EYA1: variants seen among roughly 807,000 people sequenced by gnomAD.
EYA1 encodes the protein protein phosphatase EYA1.
EYA1 carries 16 observed loss-of-function variants against 82.0 expected under a neutral mutation model. The ratio of observed to expected loss-of-function variants is 0.20; its 90% confidence interval spans 0.13 to 0.30. EYA1 has a LOEUF of 0.30. Ranked by LOEUF, EYA1 falls within the 10% of genes least tolerant of loss-of-function variation. The pLI is 1.00. For missense variants in EYA1, 633 were observed against 730.7 expected, an observed-to-expected ratio of 0.87 and a Z score of 1.54; for synonymous variants, 261 against 264.4, an observed-to-expected ratio of 0.99 and a Z score of 0.12.
At chr8:71,214,195 T>C (rs897004606) in intron 16 of EYA1, among the ~76,000 whole-genome samples, 4 of 152,090 alleles carry the variant, frequency 2.6e-5, no homozygotes, top group African/African-American at 9.7e-5. Flanking sequence ...CTCATACCCC[T>C]TCCCCTGGAC....
intron 2 of EYA1, among the ~76,000 whole-genome samples, chr8:71,474,549 C>A (rs1049819163): frequency 2.6e-5 from 4 of 152,160 alleles, no homozygotes; most frequent in African/African-American, 9.7e-5. Context: ...CTCAACCCTA[C>A]AAATTGCTTT....
At position 71,299,627 on chromosome 8, in the gene EYA1, T is replaced by G. The variant is rs1428999782; in HGVS notation, c.639+11A>C. The G allele has an allele frequency of 6.7e-7, 1 of 1,490,646 alleles. No homozygotes were observed. Among genetic ancestry groups the G allele is most frequent in the Admixed American group, 1.7e-5 (1 of 59,856 alleles). 92.3% of individuals were successfully genotyped at this position (1,490,646 alleles called of 1,614,324 possible). Reference sequence around the variant, plus strand: ...ATATTTTTCAGAAGTTAAACTGGCTTTTTAAATTACCTGCTGTGAACTATT... The same window carrying G: ...ATATTTTTCAGAAGTTAAACTGGCTGTTTAAATTACCTGCTGTGAACTATT... On this transcript the variant is annotated intron_variant, in intron 8 of 17. Transcript: ENST00000340726.
intron 9 of EYA1, among the ~76,000 whole-genome samples, chr8:71,294,230 C>A (rs184813015): frequency 6.6e-6 from 1 of 152,076 alleles, no homozygotes; most frequent in Non-Finnish European, 1.5e-5. Context: ...GAGGCCGAGG[C>A]GGGTGGATCA....
At chr8:71,449,623 G>A (rs183702304) in intron 2 of EYA1, among the ~76,000 whole-genome samples, 11 of 152,296 alleles carry the variant, frequency 7.2e-5, no homozygotes, top group Admixed American at 2.0e-4. Context: ...TGAGAGCCCT[G>A]AGATTTTCAG....
chr8:71,332,130 C>T lies in EYA1; in HGVS notation c.202+1967G>A, dbSNP rs1019228196. 3.9e-5 allele frequency among the ~76,000 whole-genome samples: 6 copies of T among 152,230 alleles called. No individual in the cohort carries two copies. In the East Asian group the frequency reaches 7.7e-4, roughly 20 times the overall value. On this transcript the variant is annotated intron_variant, in intron 4 of 17. Transcript: ENST00000340726. ...TGCATCCCAAAGTGCTAGGATTACA[C>T]GTGTGAACCACCATGCCTGGCCAAA...
At chr8:71,448,025 T>TTTTTTTTTTTTTTTAGCTAACGGAG (rs935912194) in intron 2 of EYA1, among the ~76,000 whole-genome samples, 3 of 116,736 alleles carry the variant, frequency 2.6e-5, no homozygotes, top group Non-Finnish European at 5.1e-5. Flanking sequence ...TTTTTTTTTT[T>TTTTTTTTTTTTTTTAGCTAACGGAG]TCTCGCTCCG....
intron 7 of EYA1, among the ~76,000 whole-genome samples, chr8:71,308,578 C>A (rs1820980282): frequency 6.6e-6 from 1 of 152,132 alleles, no homozygotes; most frequent in Non-Finnish European, 1.5e-5. Flanking sequence ...CTTAATACAT[C>A]TTCACTACCT....
At chr8:71,286,073 A>T (rs1818332592) in intron 9 of EYA1, among the ~76,000 whole-genome samples, 1 of 152,204 alleles carries the variant, frequency 6.6e-6, no homozygotes, top group African/African-American at 2.4e-5. Flanking sequence ...ATGCAGGGCA[A>T]AGGCAGGAAC....
At chr8:71,370,243 T>G (rs144230311) in intron 2 of EYA1, among the ~76,000 whole-genome samples, 1 of 151,864 alleles carries the variant, frequency 6.6e-6, no homozygotes, top group South Asian at 2.1e-4. Context: ...AAATAGTTCA[T>G]TGTAGGTGTG....
intron 3 of EYA1, among the ~76,000 whole-genome samples, chr8:71,348,150 T>C (rs2129060884): frequency 6.6e-6 from 1 of 152,264 alleles, no homozygotes; most frequent in East Asian, 1.9e-4. Context: ...TATTGTACGC[T>C]TAGAGTGAAA....
intron 9 of EYA1, among the ~76,000 whole-genome samples, chr8:71,291,418 G>A (rs549566855): frequency 3.3e-5 from 5 of 152,092 alleles, no homozygotes; most frequent in Admixed American, 2.6e-4. Context: ...ATTCAATATC[G>A]GCAAGATTCC....
At chr8:71,411,944 G>A (rs557544042) in intron 2 of EYA1, among the ~76,000 whole-genome samples, 1 of 151,368 alleles carries the variant, frequency 6.6e-6, no homozygotes, top group African/African-American at 2.4e-5. Context: ...GTTTATTGCA[G>A]CATTATTCAC....
At chr8:71,367,903 C>T (rs1827848508) in intron 2 of EYA1, among the ~76,000 whole-genome samples, 1 of 152,136 alleles carries the variant, frequency 6.6e-6, no homozygotes, top group Non-Finnish European at 1.5e-5. Context: ...AAACAGAATT[C>T]CTTTCTGCAA....
chr8:71,398,555 G>A (rs1342501825), intron 2 of EYA1, among the ~76,000 whole-genome samples: 1 of 152,160 alleles, frequency 6.6e-6, no homozygotes, highest in East Asian at 1.9e-4. Context: ...GTTTACTGGA[G>A]GTCCACTCCA....
chr8:71,269,422 C>T (rs1056508659), intron 11 of EYA1, among the ~76,000 whole-genome samples: 1 of 152,168 alleles, frequency 6.6e-6, no homozygotes, highest in Admixed American at 6.5e-5. Context: ...TAAAAGAGAA[C>T]ACGAAACATC....
Position 71,465,495 on chromosome 8 carries a change from C to T in EYA1, c.33+70249G>A, listed in dbSNP as rs186717649. Among the ~76,000 whole-genome samples the T allele has an allele frequency of 2.3e-4, 35 of 152,062 alleles. No homozygotes were observed. The South Asian group carries it at 3.7e-3, about 16-fold the overall frequency. On this transcript the variant is annotated intron_variant, in intron 2 of 18. Coordinates refer to the EYA1 transcript ENST00000643681. The stretch of plus-strand genomic sequence containing the variant: ...AAAATTAGCCGGGTATGGTGGTGCA[C>T]GTCTGTAATCCCAGCTACTCAGGAG...
chr8:71,438,757 A>G (rs1806186746), intron 2 of EYA1, among the ~76,000 whole-genome samples: 1 of 152,204 alleles, frequency 6.6e-6, no homozygotes, highest in African/African-American at 2.4e-5. Context: ...AGGCAATGCC[A>G]CAGTGAAAAG....
intron 16 of EYA1, among the ~76,000 whole-genome samples, chr8:71,212,598 A>T (rs997676734): frequency 6.6e-6 from 1 of 152,184 alleles, no homozygotes; most frequent in African/African-American, 2.4e-5. Context: ...GCTCATTGCC[A>T]ATTTGGGGTC....
chr8:71,499,896 T>TG (rs1811690408), intron 2 of EYA1, among the ~76,000 whole-genome samples: 2 of 152,310 alleles, frequency 1.3e-5, no homozygotes, highest in Non-Finnish European at 2.9e-5. Flanking sequence ...AGAGGGATAA[T>TG]GTTGGCAATT....
Sources: gnomAD v4.1 joint callset for allele counts (sites outside exome capture counted in the v4.1 genomes callset) on GRCh38, gnomAD v4.1.1 for gene constraint, MANE v1.5 for transcripts, NCBI Gene and HGNC (gene_info 2026-07-23, HGNC 2026-07-21) for gene names.